DNAH1: variants seen among roughly 807,000 people sequenced by gnomAD.
DNAH1 encodes the protein axonemal beta dynein heavy chain 1.
DNAH1 carries 327 observed loss-of-function variants against 484.3 expected under a neutral mutation model. That is an observed-to-expected ratio of 0.68 (90% confidence interval 0.62 to 0.74). DNAH1 has a LOEUF of 0.74. DNAH1 is among the 30% of genes least tolerant of loss of function. The pLI, the probability that DNAH1 is intolerant of heterozygous loss-of-function variation, is 0.00. For missense variants in DNAH1, 5,052 were observed against 5,546.8 expected (o/e 0.91, Z 2.83); for synonymous variants, 2,192 against 2,191.9 (o/e 1.00, Z 0.00).
intron 56 of DNAH1, 85 bp downstream of exon 56, chr3:52,386,938 C>T (rs1267902885): frequency 1.7e-5 from 23 of 1,363,320 alleles, no homozygotes; most frequent in African/African-American, 4.4e-5. Context: ...GGAGCTTGCC[C>T]CACCACATCA....
chr3:52,360,050 G>T lies in DNAH1; in HGVS notation c.4542G>T (p.Val1514=). The change falls in exon 27 of 78, where the codon GTG becomes GTT. Residue 1514 remains valine (V), a synonymous_variant. Transcript: ENST00000420323. Reference sequence around the variant, plus strand: ...TAATCCAGGAGAACGTGGTCAGCGTGAATGACTTCCAGTGGATCTCACAGC... The same window carrying T: ...TAATCCAGGAGAACGTGGTCAGCGTTAATGACTTCCAGTGGATCTCACAGC... ...SKLIQENVVS[V]NDFQWISQLR... is the part of the protein sequence containing the mutation. 2 of 1,613,920 alleles carry T rather than the reference G, an allele frequency of 1.2e-6. No individual in the cohort carries two copies.
At chr3:52,343,131 G>C (rs1335916169) in intron 8 of DNAH1, among the ~76,000 whole-genome samples, 76 of 152,200 alleles carry the variant, frequency 5.0e-4, no homozygotes, top group Non-Finnish European at 2.9e-5. Flanking sequence ...GTGAGATGAG[G>C]CAGAGCCTGG....
At position 52,332,417 on chromosome 3, in the gene DNAH1, C is replaced by G. The variant is rs555393000; in HGVS notation, c.1286+23C>G. The G allele has an allele frequency of 3.7e-6, 6 of 1,604,178 alleles. No homozygotes were observed. In the African/African-American group the frequency reaches 5.3e-5, roughly 14 times the overall value. On this transcript the variant is annotated intron_variant, in intron 8 of 77. Transcript: ENST00000420323. ...CTCGTGAGTCCCCGCTCGGCCTTCC[C>G]TATTCTGGGCATCACCTTCTTCAGG...
At position 52,389,481 on chromosome 3, in the gene DNAH1, C is replaced by T. The variant is rs1243728422; in HGVS notation, c.9516C>T (p.Leu3172=). The T allele has an allele frequency of 6.2e-7, 1 of 1,609,180 alleles. No individual in the cohort carries two copies. Among genetic ancestry groups the T allele is most frequent in the Admixed American group, 1.7e-5 (1 of 59,380 alleles). The change falls in exon 60 of 78, where the codon CTC becomes CTT. Residue 3172 remains leucine, a synonymous_variant. Transcript: ENST00000420323. ...GPFTGQYRTV[L]YDSWVKQLRS... ...CCCAGGGCCAGTACCGCACGGTGCTCTACGACAGCTGGGTCAAGCAGCTCA... is the reference window on the plus strand; with the variant it reads ...CCCAGGGCCAGTACCGCACGGTGCTTTACGACAGCTGGGTCAAGCAGCTCA...
In DNAH1 at chr3:52,396,768, C is replaced by A; in HGVS notation, c.11581C>A (p.Leu3861Met). ...CTGCATCAGCCAGCTCAAGATGTTC[C>A]TGGACGAATATGATGACATCCCCTA... is the stretch of plus-strand genomic sequence containing the variant. ...RICISQLKMF[L>M]DEYDDIPYKV... is the part of the protein sequence containing the mutation. The change falls in exon 72 of 78, where the codon CTG becomes ATG. Residue 3861 changes from leucine to methionine, a missense_variant. By Grantham distance (15) the Leu-to-Met change is conservative (BLOSUM62 2). This residue lies in a region of DNAH1 where 853 missense variants were observed against 899.0 expected (regional missense o/e 0.95). Transcript: ENST00000420323. The A allele has an allele frequency of 6.2e-7, 1 of 1,613,702 alleles. No individual in the cohort carries two copies. The highest frequency in any genetic ancestry group is 8.5e-7 in the Non-Finnish European group (1 of 1,179,822).
At chr3:52,356,322 C>T (rs887406067) in intron 21 of DNAH1, among the ~76,000 whole-genome samples, 21 of 152,168 alleles carry the variant, frequency 1.4e-4, no homozygotes, top group African/African-American at 4.8e-4. Context: ...GCTTTGCTGG[C>T]GTGGGTGTGT....
chr3:52,318,003 C>A, intron 1 of DNAH1: 1 of 152,480 alleles, frequency 6.6e-6, no homozygotes. Flanking sequence ...TGGGGTCTCC[C>A]AGGAGTCTGG....
chr3:52,344,709 C>A, intron 9 of DNAH1, 62 bp downstream of exon 9: 2 of 1,531,422 alleles, frequency 1.3e-6, no homozygotes, highest in Non-Finnish European at 1.8e-6. Context: ...CCCCCTCCCA[C>A]CTTCCCCTCC....
upstream of DNAH1, among the ~76,000 whole-genome samples, chr3:52,314,642 T>C (rs749723895): frequency 2.0e-5 from 3 of 152,018 alleles, no homozygotes; most frequent in Admixed American, 6.5e-5. Context: ...CACCCTCCAG[T>C]TGGGAGAAAC....
intron 43 of DNAH1, 65 bp from the exon 44 acceptor site, chr3:52,372,831 C>A (rs1703403583): frequency 6.5e-7 from 1 of 1,542,102 alleles, no homozygotes. Context: ...GCCACCCGTT[C>A]GCCCCTGGAT....
Position 52,362,947 on chromosome 3 carries a change from C to G in DNAH1, c.5095-48C>G. On this transcript the variant is annotated intron_variant, in intron 31 of 77. Transcript: ENST00000420323. This position sits in a 1 kb window ranked among gnomAD's most constrained non-coding sequence, Gnocchi z 5.1. ...AGGGCCGGATGAAGCTGGGGGTGCT[C>G]TGGGGGTGAGCTCTGTTTGCTGTTC... 6.2e-7 allele frequency: 1 copy of G among 1,610,586 alleles called. No homozygotes were observed. Among genetic ancestry groups the G allele is most frequent in the Non-Finnish European group, 8.5e-7 (1 of 1,177,712 alleles).
In DNAH1 at chr3:52,352,047, C is replaced by A; in HGVS notation, c.2815C>A (p.Arg939Ser). 6.3e-7 allele frequency: 1 copy of A among 1,591,932 alleles called. No homozygotes were observed. Among genetic ancestry groups the A allele is most frequent in the East Asian group, 2.3e-5 (1 of 43,862 alleles). Residue 939 changes from arginine to serine, a missense_variant, in exon 17 of 78, where the codon CGC becomes AGC. Arg to Ser is a moderately radical substitution (Grantham distance 110, BLOSUM62 -1). Coordinates refer to ENST00000420323, the MANE Select transcript of DNAH1 (RefSeq NM_015512.5). ...QQHVEDEEKF[R>S]KIQIMDQNNF... ...GCATGTGGAGGATGAGGAGAAGTTC[C>A]GCAAAATCCAGATCATGGATCAGAA... is the stretch of plus-strand genomic sequence containing the variant.
At chr3:52,322,853 C>T in intron 2 of DNAH1, 78 bp downstream of exon 2, 1 of 1,257,010 alleles carries the variant, frequency 8.0e-7, no homozygotes, top group African/African-American at 1.5e-5. Context: ...ATCCTTCTCC[C>T]CATCAGTCAG....
intron 6 of DNAH1, among the ~76,000 whole-genome samples, chr3:52,329,241 A>G (rs1181524231): frequency 6.6e-6 from 1 of 152,116 alleles, no homozygotes; most frequent in Non-Finnish European, 1.5e-5. Flanking sequence ...GTGGTGGCCC[A>G]GGTGGGAGGA....
rs558516503 is a variant in DNAH1, at chr3:52,382,693, A to C, written c.7941+238A>C. On this transcript the variant is annotated intron_variant, in intron 50 of 77. Transcript: ENST00000420323. The stretch of plus-strand genomic sequence containing the variant: ...ATCACTCATGCCCCGAAGGTAAAGA[A>C]GGCCCTGGTAGCATAGCACCCCACT... Among the ~76,000 whole-genome samples the C allele has an allele frequency of 5.3e-5, 8 of 152,344 alleles. No individual in the cohort carries two copies. In the South Asian group the frequency reaches 1.7e-3, roughly 32 times the overall value.
chr3:52,349,827 A>G lies in DNAH1; in HGVS notation c.2527-162A>G, dbSNP rs61734645. Among the ~76,000 whole-genome samples the G allele has an allele frequency of 0.048, 7,339 of 152,284 alleles. 283 individuals carry two copies. Among genetic ancestry groups the G allele is most frequent in the Non-Finnish European group, 0.072 (4,866 of 67,996 alleles). Reference sequence around the variant, plus strand: ...CCCCACTGACAGTCCTCAGCAACCCAGGGAGCCCACCAGGAGCACCCCTCT... The same window carrying G: ...CCCCACTGACAGTCCTCAGCAACCCGGGGAGCCCACCAGGAGCACCCCTCT... On this transcript the variant is annotated intron_variant, in intron 14 of 77. Transcript: ENST00000420323.
rs943453035 is a variant in DNAH1, at chr3:52,355,758, A to G, written c.3693+703A>G. ...CAGTCCCCCTCTGCTCACGCTGTCC[A>G]CTCGACCTGGAGTTTGACACCCGCC... On this transcript the variant is annotated intron_variant, in intron 21 of 77. Coordinates refer to ENST00000420323, the MANE Select transcript of DNAH1 (RefSeq NM_015512.5). The surrounding 1 kb of genome is among the most constrained non-coding windows in gnomAD (Gnocchi z 4.5). Among the ~76,000 whole-genome samples the G allele has an allele frequency of 6.6e-6, 1 of 151,928 alleles. No individual in the cohort carries two copies. Among genetic ancestry groups the G allele is most frequent in the Admixed American group, 6.6e-5 (1 of 15,266 alleles).
At chr3:52,322,880 G>GACAGTCCAT in intron 2 of DNAH1, 105 bp downstream of exon 2, 1 of 1,003,836 alleles carries the variant, frequency 1.0e-6, no homozygotes. Flanking sequence ...TGTTCATTTA[G>GACAGTCCAT]CTGTCTATCG....
chr3:52,393,510 G>GACT (rs753185778), intron 66 of DNAH1, 25 bp downstream of exon 66: 1 of 1,612,532 alleles, frequency 6.2e-7, no homozygotes, highest in Non-Finnish European at 8.5e-7. Context: ...ACCCAGGACA[G>GACT]ACTGCCTGAG....
Sources: gnomAD v4.1 joint callset for allele counts (sites outside exome capture counted in the v4.1 genomes callset) on GRCh38, gnomAD v4.1.1 for gene constraint, gnomAD v4.1.1 regional missense constraint, Gnocchi (gnomAD v3.1) non-coding constraint, MANE v1.5 for transcripts, NCBI Gene and HGNC (gene_info 2026-07-23, HGNC 2026-07-21) for gene names.